The following TENT4A variants were observed in gnomAD, a reference collection of about 807,000 sequenced individuals.
TENT4A encodes DNA polymerase kappa.
In TENT4A, 7 loss-of-function variants were observed where a neutral mutation model predicts 72.8. That is an observed-to-expected ratio of 0.10 (90% CI 0.05 to 0.18). The LOEUF (loss-of-function observed/expected upper bound fraction) is 0.18, where lower values mean the gene tolerates loss of function less well. TENT4A is among the 10% of genes least tolerant of loss of function. TENT4A has a pLI of 1.00. For synonymous variants in TENT4A, 456 were observed against 434.3 expected (o/e 1.05, Z -0.62); for missense variants, 831 against 1,017.7 (o/e 0.82, Z 2.50).
At chr5:6,734,057 T>C (rs532406562) in intron 1 of TENT4A, among the ~76,000 whole-genome samples, 1 of 152,298 alleles carries the variant, frequency 6.6e-6, no homozygotes, top group Non-Finnish European at 1.5e-5. Context: ...CAGCAAAATA[T>C]CTTAGCAAAA....
chr5:6,730,102 C>T (rs545714617), intron 1 of TENT4A, among the ~76,000 whole-genome samples: 6 of 151,740 alleles, frequency 4.0e-5, no homozygotes, highest in Middle Eastern at 3.4e-3. Flanking sequence ...TCCGCCCCCC[C>T]CCGGAGTGGC....
Position 6,714,637 on chromosome 5 carries a change from G to C in TENT4A, c.654G>C (p.Gly218=). The C allele has an allele frequency of 8.3e-7, 1 of 1,199,302 alleles. No individual in the cohort carries two copies. Among genetic ancestry groups the C allele is most frequent in the Non-Finnish European group, 1.0e-6 (1 of 966,974 alleles). The allele number at this position is 1,199,302 out of a possible 1,614,324, so 74.3% of individuals were successfully genotyped here. A position where few individuals can be genotyped will look rare whatever the true frequency, so the allele number is the denominator to read the frequency against. The change falls in exon 1 of 13, where the codon GGG becomes GGC. Residue 218 remains glycine, a synonymous_variant. Transcript: ENST00000230859. ...AAALSGGGGP[G]AQAPRPGTPW... ...CTCTCAGCGGAGGGGGCGGCCCCGG[G>C]GCCCAGGCGCCGCGGCCCGGCACCC... is the stretch of plus-strand genomic sequence containing the variant.
chr5:6,750,253 G>C, intron 9 of TENT4A, 78 bp from the exon 10 acceptor site: 1 of 1,258,002 alleles, frequency 7.9e-7, no homozygotes, highest in Non-Finnish European at 1.1e-6. Context: ...GCTCAGCAGA[G>C]CCCGTGACTG....
chr5:6,739,386 G>T (rs561582047), intron 3 of TENT4A, among the ~76,000 whole-genome samples: 3 of 152,208 alleles, frequency 2.0e-5, no homozygotes, highest in East Asian at 1.9e-4. Flanking sequence ...GTGATCCAGC[G>T]TAGGCAGTGC....
rs1032230696 is a variant in TENT4A, at chr5:6,748,397, G to A, written c.1460-67G>A. On this transcript the variant is annotated intron_variant, in intron 7 of 12. Transcript: ENST00000230859. ...GCCTGCTTCAGAGTCACTTGTATGA[G>A]AAGATCCAAAACATGTGGACGATGG... The A allele has an allele frequency of 3.1e-6, 5 of 1,591,948 alleles. No homozygotes were observed. In the Admixed American group the frequency reaches 8.4e-5, roughly 27 times the overall value.
At chr5:6,738,633 G>T in intron 2 of TENT4A, 50 bp from the exon 3 acceptor site, 1 of 1,357,378 alleles carries the variant, frequency 7.4e-7, no homozygotes, top group South Asian at 1.2e-5. Flanking sequence ...ATGGTAGTGT[G>T]ACTGCTTGGT....
chr5:6,733,551 G>T (rs192443), intron 1 of TENT4A, among the ~76,000 whole-genome samples: 89,835 of 152,174 alleles, frequency 0.59, 27,282 homozygotes, highest in Middle Eastern at 0.67. Context: ...TATTGATGAC[G>T]GGTCTGTGGA....
chr5:6,751,431 CG>C, intron 11 of TENT4A: 6 of 487,764 alleles, frequency 1.2e-5, no homozygotes, highest in Non-Finnish European at 1.1e-5. Flanking sequence ...TGGCTTTTCA[CG>C]GGGGCCAGGT....
chr5:6,754,179 T>A (rs1418037113), intron 12 of TENT4A, among the ~76,000 whole-genome samples: 1 of 152,120 alleles, frequency 6.6e-6, no homozygotes, highest in East Asian at 1.9e-4. Flanking sequence ...CTTACTTCTG[T>A]TTTTTTGGAG....
chr5:6,750,331 ACAG>A lies in TENT4A; in HGVS notation c.1692_1694del (p.Ser564del). 1 of 1,607,568 alleles carries A rather than the reference ACAG, an allele frequency of 6.2e-7. No homozygotes were observed. Among genetic ancestry groups the A allele is most frequent in the Non-Finnish European group, 8.5e-7 (1 of 1,177,266 alleles). ...TAACCAAGGCTTTTTCCCTCCACAG[ACAG>A]CAGGATCAAGATCAAAGAGCGAATA... On this transcript the variant is annotated inframe_deletion and splice_region_variant, in exon 10 of 13. Coordinates refer to ENST00000230859, the MANE Select transcript of TENT4A (RefSeq NM_006999.6).
At chr5:6,722,084 G>C (rs1431850066) in intron 1 of TENT4A, among the ~76,000 whole-genome samples, 1 of 152,192 alleles carries the variant, frequency 6.6e-6, no homozygotes, top group Admixed American at 6.5e-5. Context: ...CCACGTGCTT[G>C]GCTCTTGAGA....
intron 1 of TENT4A, among the ~76,000 whole-genome samples, chr5:6,725,763 CCTCT>C (rs1048692433): frequency 6.6e-6 from 1 of 152,156 alleles, no homozygotes; most frequent in African/African-American, 2.4e-5. Flanking sequence ...CACTGTAGGA[CCTCT>C]CTCTCTAGGC....
At chr5:6,724,516 G>A (rs1264353733) in intron 1 of TENT4A, among the ~76,000 whole-genome samples, 2 of 152,156 alleles carry the variant, frequency 1.3e-5, no homozygotes, top group East Asian at 1.9e-4. Context: ...ACTCACAAGA[G>A]ACTGATGTTC....
At chr5:6,732,567 A>G (rs1331263938) in intron 1 of TENT4A, among the ~76,000 whole-genome samples, 1 of 152,252 alleles carries the variant, frequency 6.6e-6, no homozygotes, top group Non-Finnish European at 1.5e-5. Context: ...GAAGTCAGTC[A>G]TTACCTTTCG....
intron 1 of TENT4A, among the ~76,000 whole-genome samples, chr5:6,737,025 T>C (rs1443145196): frequency 6.6e-6 from 1 of 152,198 alleles, no homozygotes; most frequent in Non-Finnish European, 1.5e-5. Context: ...CATACGTCTT[T>C]TTCCTGTTCA....
intron 2 of TENT4A, among the ~76,000 whole-genome samples, chr5:6,737,909 G>GT (rs374682397): frequency 0.16 from 20,976 of 128,950 alleles, 1,807 homozygotes; most frequent in Middle Eastern, 0.26. Context: ...GATTTGTTGG[G>GT]TTTTTTTTTT....
At chr5:6,732,165 A>G (rs1366009797) in intron 1 of TENT4A, among the ~76,000 whole-genome samples, 1 of 152,194 alleles carries the variant, frequency 6.6e-6, no homozygotes, top group Non-Finnish European at 1.5e-5. Context: ...CTGCCCTGGG[A>G]GAGATACAAA....
intron 3 of TENT4A, among the ~76,000 whole-genome samples, chr5:6,739,121 T>A (rs567152116): frequency 6.6e-6 from 1 of 152,362 alleles, no homozygotes; most frequent in South Asian, 2.1e-4. Flanking sequence ...TTTCTAAGTA[T>A]TTTTACCTGA....
chr5:6,739,386 G>GT (rs1229906432), intron 3 of TENT4A, among the ~76,000 whole-genome samples: 3 of 152,208 alleles, frequency 2.0e-5, no homozygotes, highest in Admixed American at 6.5e-5. Context: ...GTGATCCAGC[G>GT]TAGGCAGTGC....
Sources: gnomAD v4.1 joint callset for allele counts (sites outside exome capture counted in the v4.1 genomes callset) on GRCh38, gnomAD v4.1.1 for gene constraint, MANE v1.5 for transcripts, NCBI Gene and HGNC (gene_info 2026-07-23, HGNC 2026-07-21) for gene names.